CCDC171: variants seen among roughly 807,000 people sequenced by gnomAD.
CCDC171 encodes coiled-coil domain-containing protein 171.
A neutral mutation model predicts 168.2 loss-of-function variants in CCDC171; 177 were observed. The ratio of observed to expected loss-of-function variants is 1.05; its 90% CI spans 0.93 to 1.19. The LOEUF (loss-of-function observed/expected upper bound fraction) is 1.19, where lower values mean the gene tolerates loss of function less well. Ranked by LOEUF, CCDC171 falls within the 50% of genes most tolerant of loss-of-function variation. CCDC171 has a pLI of 0.00. For synonymous variants in CCDC171, 687 were observed against 540.8 expected (o/e 1.27, Z -3.75); for missense variants, 1,991 against 1,539.0 (o/e 1.29, Z -4.91).
chr9:16,098,881 T>C, the CCDC171 span, among the ~76,000 whole-genome samples: 1 of 152,234 alleles, frequency 6.6e-6, no homozygotes, highest in African/African-American at 2.4e-5. Context: ...TGCACATATG[T>C]GGGCACGGAT....
chr9:15,720,790 T>A (rs1053382711), intron 11 of CCDC171, among the ~76,000 whole-genome samples: 1 of 152,170 alleles, frequency 6.6e-6, no homozygotes, highest in African/African-American at 2.4e-5. Context: ...GCTGCACCCA[T>A]TAACTCGTCA....
rs57272096 is a variant in CCDC171 at position 15,575,157 on chromosome 9, CTTTTTTTTT to C, written c.177+3416_177+3424del. On this transcript the variant is annotated intron_variant, in intron 3 of 25. Transcript: ENST00000380701. ...AGGGTAAAGGAGAGTGACATAACTA[CTTTTTTTTT>C]TTTTTTTTTTTTTTTTTGAAACAGG... Among the ~76,000 whole-genome samples, 42 of 86,912 alleles carry C rather than the reference CTTTTTTTTT, an allele frequency of 4.8e-4. 1 individual carries two copies. The highest frequency in any genetic ancestry group is 4.1e-3 in the Admixed American group (25 of 6,118). The allele number at this position is 86,912 out of a possible 152,430, so 57.0% of individuals were successfully genotyped here. A position where few individuals can be genotyped will look rare whatever the true frequency, so the allele number is the denominator to read the frequency against.
chr9:15,815,685 A>G (rs2059540158), intron 21 of CCDC171, among the ~76,000 whole-genome samples: 1 of 115,958 alleles, frequency 8.6e-6, no homozygotes, highest in Non-Finnish European at 1.9e-5. Context: ...GAACTCCAAC[A>G]CTCATTTTCT....
intron 18 of CCDC171, among the ~76,000 whole-genome samples, chr9:15,764,351 A>G (rs947586545): frequency 1.3e-5 from 2 of 152,192 alleles, no homozygotes; most frequent in African/African-American, 4.8e-5. Context: ...AGGTGTAGGT[A>G]GTAAGGGTGC....
chr9:15,723,214 T>C (rs2053598075), intron 12 of CCDC171, among the ~76,000 whole-genome samples: 1 of 152,178 alleles, frequency 6.6e-6, no homozygotes, highest in Non-Finnish European at 1.5e-5. Flanking sequence ...CCAGTAGGAC[T>C]GCATGTGACC....
chr9:15,780,620 C>T (rs1019936514), intron 20 of CCDC171, among the ~76,000 whole-genome samples: 8 of 152,162 alleles, frequency 5.3e-5, no homozygotes. Context: ...ATTTTGTTCT[C>T]CACATTTCGT....
upstream of CCDC171, among the ~76,000 whole-genome samples, chr9:16,040,350 G>C (rs1242757188): frequency 6.6e-6 from 1 of 152,142 alleles, no homozygotes; most frequent in Non-Finnish European, 1.5e-5. Flanking sequence ...CTAGAAGGTG[G>C]AGGCAGACCT....
intron 25 of CCDC171, among the ~76,000 whole-genome samples, chr9:15,964,441 C>CT (rs35923038): frequency 0.37 from 56,563 of 151,792 alleles, 11,246 homozygotes; most frequent in African/African-American, 0.5. Flanking sequence ...TCAATTCTCT[C>CT]GAATTGTTTG....
chr9:15,742,569 C>T (rs1001465579), intron 16 of CCDC171, among the ~76,000 whole-genome samples: 13 of 152,194 alleles, frequency 8.5e-5, no homozygotes, highest in African/African-American at 2.9e-4. Flanking sequence ...GCTACTGCTT[C>T]TCAGAGTTCC....
At chr9:16,067,170 G>T in the CCDC171 span, among the ~76,000 whole-genome samples, 1 of 152,078 alleles carries the variant, frequency 6.6e-6, no homozygotes, top group South Asian at 2.1e-4. Context: ...GGTGTGAGAT[G>T]GTATCTCATT....
At chr9:15,874,698 C>A (rs545359086) in intron 24 of CCDC171, 35 bp downstream of exon 24, 3 of 1,478,726 alleles carry the variant, frequency 2.0e-6, no homozygotes, top group African/African-American at 2.9e-5. Context: ...GCTACTGAGA[C>A]ATATAGAAAA....
chr9:16,032,908 C>T (rs1274171593), intron 6 of CCDC171, among the ~76,000 whole-genome samples: 1 of 152,188 alleles, frequency 6.6e-6, no homozygotes, highest in East Asian at 1.9e-4. Context: ...GCCTGGATTC[C>T]AGGTTTAATG....
chr9:15,839,956 A>G (rs369906522), intron 21 of CCDC171, among the ~76,000 whole-genome samples: 2 of 144,642 alleles, frequency 1.4e-5, no homozygotes, highest in South Asian at 2.2e-4. Flanking sequence ...TATTTTCCCA[A>G]TTTTAAATTT....
At position 15,811,046 on chromosome 9, in the gene CCDC171, C is replaced by T. The variant is rs564583767; in HGVS notation, c.3267+26352C>T. Among the ~76,000 whole-genome samples the T allele has an allele frequency of 2.0e-5, 3 of 152,350 alleles. No homozygotes were observed. In the South Asian group the frequency reaches 6.2e-4, roughly 32 times the overall value. On this transcript the variant is annotated intron_variant, in intron 21 of 25. Coordinates refer to ENST00000380701, the MANE Select transcript of CCDC171 (RefSeq NM_173550.4). ...TAAATATAGAAAATGTTTATCATTA[C>T]AGAAAATTCTGTTGTACAGTGCTGG...
At chr9:15,943,858 G>A (rs1827994202) in intron 25 of CCDC171, among the ~76,000 whole-genome samples, 1 of 151,852 alleles carries the variant, frequency 6.6e-6, no homozygotes, top group Admixed American at 6.6e-5. Flanking sequence ...ATGCTCATGG[G>A]GTTTGAAAAG....
downstream of CCDC171, among the ~76,000 whole-genome samples, chr9:15,976,762 T>A (rs1186077732): frequency 6.6e-6 from 1 of 151,952 alleles, no homozygotes. Flanking sequence ...GTGAGATAAT[T>A]TTAATAATTT....
chr9:15,801,605 A>T (rs536789144), intron 21 of CCDC171, among the ~76,000 whole-genome samples: 3 of 151,880 alleles, frequency 2.0e-5, no homozygotes, highest in African/African-American at 7.3e-5. Flanking sequence ...GAGGCCCTTT[A>T]TTTCTTTCTC....
At chr9:16,070,353 A>T in the CCDC171 span, among the ~76,000 whole-genome samples, 1 of 152,132 alleles carries the variant, frequency 6.6e-6, no homozygotes, top group Non-Finnish European at 1.5e-5. Flanking sequence ...TGATTCTTTC[A>T]CTGGAAAAAG....
intron 24 of CCDC171, among the ~76,000 whole-genome samples, chr9:15,914,475 G>A (rs1003502621): frequency 2.7e-4 from 41 of 152,100 alleles, no homozygotes; most frequent in African/African-American, 8.9e-4. Context: ...TCAAGCCTCA[G>A]TAATGGTGGA....
Sources: allele counts gnomAD v4.1 joint callset (sites outside exome capture counted in the v4.1 genomes callset), GRCh38; gene constraint gnomAD v4.1.1; transcripts MANE v1.5; gene names NCBI Gene and HGNC (gene_info 2026-07-23, HGNC 2026-07-21).